VRK1: variants seen among roughly 807,000 people sequenced by gnomAD.
The protein encoded by VRK1 is serine/threonine-protein kinase VRK1.
Under a neutral mutation model 57.1 loss-of-function variants are expected in VRK1, and 33 were observed. The ratio of observed to expected loss-of-function variants is 0.58; its 90% CI spans 0.44 to 0.77. VRK1 has a LOEUF of 0.77. VRK1 is among the 30% of genes least tolerant of loss of function. VRK1 has a pLI of 0.00. For missense variants in VRK1, 413 were observed against 477.3 expected (o/e 0.87, Z 1.25); for synonymous variants, 137 against 147.8 (o/e 0.93, Z 0.53).
At position 96,846,097 on chromosome 14, in the gene VRK1, A is replaced by G. The variant is rs1887673571; in HGVS notation, c.219A>G (p.Glu73=). 1.2e-6 allele frequency: 2 copies of G among 1,613,020 alleles called. No individual in the cohort carries two copies. Among genetic ancestry groups the G allele is most frequent in the Non-Finnish European group, 1.7e-6 (2 of 1,179,354 alleles). Residue 73 remains glutamate, a splice_region_variant and synonymous_variant, in exon 4 of 13, where the codon GAA becomes GAG. Transcript: ENST00000216639. ...CTAATTAACTCTTATATTTTAAGGA[A>G]CCCAGTGACAATGGACCTCTTTTTA... The part of the protein sequence containing the change: ...GSDAPCVVKV[E]PSDNGPLFTE...
At chr14:96,866,734 A>C (rs1369504863) in intron 11 of VRK1, among the ~76,000 whole-genome samples, 1 of 152,094 alleles carries the variant, frequency 6.6e-6, no homozygotes, top group Non-Finnish European at 1.5e-5. Context: ...AAATTTCAGA[A>C]TGGTGTTTGC....
chr14:96,861,091 C>G (rs751931189), intron 11 of VRK1, among the ~76,000 whole-genome samples: 4 of 152,024 alleles, frequency 2.6e-5, no homozygotes, highest in Non-Finnish European at 5.9e-5. Context: ...TGGATATGGT[C>G]AGAGTATTTA....
intron 5 of VRK1, among the ~76,000 whole-genome samples, chr14:96,847,683 C>T (rs903797087): frequency 1.3e-5 from 2 of 152,136 alleles, no homozygotes; most frequent in Non-Finnish European, 2.9e-5. Flanking sequence ...ACAAAAACGC[C>T]TCTGTTCTTC....
chr14:96,818,815 A>G (rs1423544000), intron 1 of VRK1, among the ~76,000 whole-genome samples: 3 of 152,188 alleles, frequency 2.0e-5, no homozygotes, highest in African/African-American at 7.2e-5. Flanking sequence ...TTAATATCTA[A>G]TGAATATCCT....
At chr14:96,828,430 C>CCTTA (rs1453022553) in intron 1 of VRK1, among the ~76,000 whole-genome samples, 1 of 152,106 alleles carries the variant, frequency 6.6e-6, no homozygotes, top group Non-Finnish European at 1.5e-5. Context: ...TGCTTAAACT[C>CCTTA]CTTAGATTGT....
At chr14:96,841,659 A>C (rs1277976143) in intron 3 of VRK1, among the ~76,000 whole-genome samples, 1 of 151,960 alleles carries the variant, frequency 6.6e-6, no homozygotes, top group Non-Finnish European at 1.5e-5. Flanking sequence ...GGAGTTCAAG[A>C]CCAGCCTGGC....
intron 11 of VRK1, among the ~76,000 whole-genome samples, chr14:96,863,870 T>C: frequency 6.6e-6 from 1 of 152,116 alleles, no homozygotes; most frequent in East Asian, 1.9e-4. Flanking sequence ...CCATTGCAAA[T>C]CAGTAGCCTG....
At chr14:96,854,191 A>C (rs1241379016) in intron 7 of VRK1, among the ~76,000 whole-genome samples, 1 of 152,148 alleles carries the variant, frequency 6.6e-6, no homozygotes, top group Non-Finnish European at 1.5e-5. Context: ...TTCTTTTTAG[A>C]TATTTCTAGG....
intron 1 of VRK1, among the ~76,000 whole-genome samples, chr14:96,815,870 C>T (rs1362011735): frequency 6.6e-6 from 1 of 151,210 alleles, no homozygotes; most frequent in Non-Finnish European, 1.5e-5. Flanking sequence ...GCCTGGGTGA[C>T]AGGGAGACCC....
chr14:96,822,058 G>A (rs1290854602), intron 1 of VRK1, among the ~76,000 whole-genome samples: 1 of 136,214 alleles, frequency 7.3e-6, no homozygotes, highest in African/African-American at 2.7e-5. Context: ...ATTCCCTCCC[G>A]CCCCCAACTC....
chr14:96,853,549 A>G (rs1888033476), intron 7 of VRK1, among the ~76,000 whole-genome samples: 1 of 152,080 alleles, frequency 6.6e-6, no homozygotes, highest in African/African-American at 2.4e-5. Context: ...TACTTGGAAA[A>G]TTTGGTCTTT....
At chr14:96,878,620 G>T (rs188573740) in intron 12 of VRK1, among the ~76,000 whole-genome samples, 1 of 152,094 alleles carries the variant, frequency 6.6e-6, no homozygotes, top group Non-Finnish European at 1.5e-5. Flanking sequence ...TGAATAGTTG[G>T]GGGTCTATTG....
At chr14:96,845,503 GC>G (rs529788750) in intron 3 of VRK1, among the ~76,000 whole-genome samples, 2 of 152,168 alleles carry the variant, frequency 1.3e-5, no homozygotes, top group Non-Finnish European at 2.9e-5. Context: ...TTGTTAATGA[GC>G]CCCATGTTTG....
intron 1 of VRK1, among the ~76,000 whole-genome samples, chr14:96,806,847 C>T (rs1182107287): frequency 7.3e-6 from 1 of 136,338 alleles, no homozygotes; most frequent in Non-Finnish European, 1.6e-5. Flanking sequence ...TTCCCTCCTT[C>T]CCTTCCTCTC....
intron 1 of VRK1, among the ~76,000 whole-genome samples, chr14:96,821,246 A>G (rs1353098691): frequency 1.3e-5 from 2 of 152,158 alleles, no homozygotes; most frequent in Non-Finnish European, 2.9e-5. Flanking sequence ...GGTATTTTAT[A>G]AATGCCTTTG....
intron 12 of VRK1, among the ~76,000 whole-genome samples, chr14:96,879,451 G>A (rs1356369217): frequency 6.6e-6 from 1 of 152,070 alleles, no homozygotes; most frequent in African/African-American, 2.4e-5. Flanking sequence ...ACATTAATGA[G>A]AATAATGCTA....
At chr14:96,867,923 TG>T (rs1434321030) in intron 11 of VRK1, among the ~76,000 whole-genome samples, 1 of 152,190 alleles carries the variant, frequency 6.6e-6, no homozygotes, top group African/African-American at 2.4e-5. Context: ...TTAACTGTTT[TG>T]GCAGAGGGAT....
intron 8 of VRK1, among the ~76,000 whole-genome samples, chr14:96,855,884 C>T (rs904706250): frequency 4.6e-5 from 7 of 152,050 alleles, no homozygotes; most frequent in African/African-American, 9.7e-5. Flanking sequence ...TAACAGTCTC[C>T]GCTTGAAACC....
rs189290677 is a variant in VRK1, at chr14:96,876,390, G to A, written c.1159+270G>A. Among the ~76,000 whole-genome samples the A allele has an allele frequency of 6.0e-4, 91 of 152,224 alleles. 2 individuals are homozygous for A. Among genetic ancestry groups the A allele is most frequent in the Admixed American group, 5.7e-3 (87 of 15,280 alleles). ...AATGATTAAATGGCAGAGCTGCCAG[G>A]CGTGGTGACTGATGTGTGCCTGTAG... On this transcript the variant is annotated intron_variant, in intron 12 of 12. Coordinates refer to ENST00000216639, the MANE Select transcript of VRK1 (RefSeq NM_003384.3).
Sources: gnomAD v4.1 joint callset for allele counts (sites outside exome capture counted in the v4.1 genomes callset) on GRCh38, gnomAD v4.1.1 for gene constraint, MANE v1.5 for transcripts, NCBI Gene and HGNC (gene_info 2026-07-23, HGNC 2026-07-21) for gene names.